Variants in TOX observed in about 807,000 individuals in gnomAD.
TOX encodes thymocyte selection-associated high mobility group box protein TOX.
In TOX, 11 loss-of-function variants were observed where a neutral mutation model predicts 53.7. The observed-to-expected ratio is 0.20, with a 90% CI of 0.13 to 0.34. TOX has a LOEUF of 0.34. Ranked by LOEUF, TOX falls within the 10% of genes least tolerant of loss-of-function variation. The pLI is 1.00. For synonymous variants in TOX, 225 were observed against 245.3 expected (o/e 0.92, Z 0.77); for missense variants, 570 against 664.6 (o/e 0.86, Z 1.56).
Position 59,119,130 on chromosome 8 carries a change from T to A in TOX, c.-143A>T. 9.5e-6 allele frequency: 5 copies of A among 525,018 alleles called. No homozygotes were observed. The highest frequency in any genetic ancestry group is 1.6e-5 in the Non-Finnish European group (5 of 304,352). The allele number at this position is 525,018 out of a possible 1,614,324, so 32.5% of individuals were successfully genotyped here. On this transcript the variant is annotated 5_prime_UTR_variant, in exon 1 of 9. Coordinates refer to ENST00000361421, the MANE Select transcript of TOX (RefSeq NM_014729.3). ...TTCCTTCCCTCACATCCGTTTGTGG[T>A]TTGTTTAAGAAGAAGAGGAAAAAAA... is the stretch of plus-strand genomic sequence containing the variant.
At chr8:58,932,025 T>C (rs1235601964) in intron 3 of TOX, among the ~76,000 whole-genome samples, 1 of 152,196 alleles carries the variant, frequency 6.6e-6, no homozygotes, top group Non-Finnish European at 1.5e-5. Context: ...TCCATTGAAC[T>C]ATATCAATAC....
intron 1 of TOX, among the ~76,000 whole-genome samples, chr8:59,025,806 C>T (rs945160892): frequency 1.3e-5 from 2 of 152,170 alleles, no homozygotes; most frequent in African/African-American, 4.8e-5. Flanking sequence ...ACTTCTCATA[C>T]TGAAGCAGCA....
intron 3 of TOX, among the ~76,000 whole-genome samples, chr8:58,923,562 G>A (rs964494520): frequency 6.6e-6 from 1 of 152,004 alleles, no homozygotes; most frequent in Non-Finnish European, 1.5e-5. Context: ...TCATTTTTAA[G>A]ATCCTTAAGA....
At chr8:58,955,577 T>C (rs1369392710) in intron 2 of TOX, among the ~76,000 whole-genome samples, 2 of 152,174 alleles carry the variant, frequency 1.3e-5, no homozygotes, top group Non-Finnish European at 2.9e-5. Flanking sequence ...TTCCTTAATA[T>C]GAAAGGATTA....
intron 3 of TOX, among the ~76,000 whole-genome samples, chr8:58,907,807 C>G (rs376365210): frequency 6.6e-6 from 1 of 152,116 alleles, no homozygotes. Flanking sequence ...GGCAATTCCT[C>G]GAGGGCACAA....
At chr8:58,928,641 T>C (rs1462201714) in intron 3 of TOX, among the ~76,000 whole-genome samples, 3 of 152,060 alleles carry the variant, frequency 2.0e-5, no homozygotes, top group Non-Finnish European at 4.4e-5. Flanking sequence ...TATATATATA[T>C]ATATACACAC....
intron 1 of TOX, among the ~76,000 whole-genome samples, chr8:59,043,782 G>A (rs1049670776): frequency 2.6e-5 from 4 of 152,214 alleles, no homozygotes; most frequent in Admixed American, 6.5e-5. Flanking sequence ...CCAGTACAGC[G>A]TGCCTTTTGA....
At chr8:58,920,737 G>GAAAAAAAAAAAGAAAAAAAAAAAAAAAAA (rs1397497086) in intron 3 of TOX, among the ~76,000 whole-genome samples, 3 of 47,738 alleles carry the variant, frequency 6.3e-5, no homozygotes, top group Non-Finnish European at 1.3e-4. Flanking sequence ...AAAAAAAAAA[G>GAAAAAAAAAAAGAAAAAAAAAAAAAAAAA]AAAAAAAAGA....
chr8:58,920,814 C>G (rs1812059817), intron 3 of TOX, among the ~76,000 whole-genome samples: 1 of 144,580 alleles, frequency 6.9e-6, no homozygotes, highest in Non-Finnish European at 1.5e-5. Flanking sequence ...TGAGGAGTTA[C>G]TTCTTCAGCA....
chr8:59,014,770 G>C (rs1813978080), intron 1 of TOX, among the ~76,000 whole-genome samples: 1 of 152,070 alleles, frequency 6.6e-6, no homozygotes, highest in African/African-American at 2.4e-5. Flanking sequence ...ATGGTGGTGT[G>C]AATTATGCAT....
At chr8:58,912,561 G>A (rs750729154) in intron 3 of TOX, among the ~76,000 whole-genome samples, 1 of 152,206 alleles carries the variant, frequency 6.6e-6, no homozygotes, top group Non-Finnish European at 1.5e-5. Context: ...AGAATCAACT[G>A]GGGGTCCCAA....
At chr8:58,942,338 A>T (rs1812456810) in intron 2 of TOX, among the ~76,000 whole-genome samples, 1 of 152,206 alleles carries the variant, frequency 6.6e-6, no homozygotes, top group Admixed American at 6.5e-5. Context: ...GTTTATTTTC[A>T]TGTAATTACA....
intron 1 of TOX, among the ~76,000 whole-genome samples, chr8:59,048,864 C>A (rs1170934109): frequency 1.3e-5 from 2 of 151,944 alleles, no homozygotes; most frequent in African/African-American, 2.4e-5. Flanking sequence ...GTATTTATAT[C>A]ATGTAAAACA....
In TOX at chr8:58,968,646, G is replaced by T. The variant is rs1260006157; in HGVS notation, c.103-8638C>A. Among the ~76,000 whole-genome samples, 4 of 152,142 alleles carry T rather than the reference G, an allele frequency of 2.6e-5. No homozygotes were observed. The East Asian group carries it at 7.7e-4, about 29-fold the overall frequency. ...GTATGAAAGTAATTACTTTTTGGGG[G>T]TTGGACCTTTTATTGCTGCTATTTC... On this transcript the variant is annotated intron_variant, in intron 1 of 8. Coordinates refer to ENST00000361421, the MANE Select transcript of TOX (RefSeq NM_014729.3).
At chr8:59,096,362 T>A (rs1804712353) in intron 1 of TOX, among the ~76,000 whole-genome samples, 1 of 152,232 alleles carries the variant, frequency 6.6e-6, no homozygotes, top group African/African-American at 2.4e-5. Context: ...TATCTTTTAC[T>A]AACCTCAAAC....
At chr8:59,051,905 G>C (rs1803797053) in intron 1 of TOX, among the ~76,000 whole-genome samples, 1 of 152,134 alleles carries the variant, frequency 6.6e-6, no homozygotes, top group African/African-American at 2.4e-5. Context: ...TCAATATAAT[G>C]AGCACATCTG....
At chr8:58,880,242 C>A (rs1811361050) in intron 3 of TOX, among the ~76,000 whole-genome samples, 1 of 152,070 alleles carries the variant, frequency 6.6e-6, no homozygotes, top group Non-Finnish European at 1.5e-5. Context: ...GGGCAGTAGA[C>A]AATGGCATTG....
At position 58,807,497 on chromosome 8, in the gene TOX, C is replaced by A; in HGVS notation, c.*250G>T. The A allele has an allele frequency of 2.3e-6, 1 of 428,572 alleles. No homozygotes were observed. The highest frequency in any genetic ancestry group is 4.2e-6 in the Non-Finnish European group (1 of 238,114). The allele number at this position is 428,572 out of a possible 1,614,324, so 26.5% of individuals were successfully genotyped here. Reference sequence around the variant, plus strand: ...AGCGCAGCACTTCACAGCAAAAAACCAACATAAAATCTGAATGGTCCAAAT... The same window carrying A: ...AGCGCAGCACTTCACAGCAAAAAACAAACATAAAATCTGAATGGTCCAAAT... On this transcript the variant is annotated 3_prime_UTR_variant, in exon 9 of 9. Coordinates refer to ENST00000361421, the MANE Select transcript of TOX (RefSeq NM_014729.3).
At chr8:58,956,655 A>G (rs1226234853) in intron 2 of TOX, among the ~76,000 whole-genome samples, 7 of 152,162 alleles carry the variant, frequency 4.6e-5, no homozygotes, top group Non-Finnish European at 1.0e-4. Context: ...AGGCTAAAGT[A>G]CAGTGGTGCG....
Sources: gnomAD v4.1 joint callset for allele counts (sites outside exome capture counted in the v4.1 genomes callset) on GRCh38, gnomAD v4.1.1 for gene constraint, MANE v1.5 for transcripts, NCBI Gene and HGNC (gene_info 2026-07-23, HGNC 2026-07-21) for gene names.